Variants in TJP1 observed in about 807,000 individuals in gnomAD.
TJP1 encodes tight junction protein ZO-1.
TJP1 carries 43 observed loss-of-function variants against 194.2 expected under a neutral mutation model. That is an observed-to-expected ratio of 0.22 (90% CI 0.17 to 0.29). The LOEUF (loss-of-function observed/expected upper bound fraction) is 0.29. Ranked by LOEUF, TJP1 falls within the 10% of genes least tolerant of loss-of-function variation. The pLI, the probability that TJP1 is intolerant of heterozygous loss-of-function variation, is 1.00. For missense variants in TJP1, 1,971 were observed against 2,185.7 expected, an observed-to-expected ratio of 0.90 and a Z score of 1.96; for synonymous variants, 801 against 779.0, an observed-to-expected ratio of 1.03 and a Z score of -0.47.
chr15:29,708,649 T>A lies in TJP1; in HGVS notation c.4760A>T (p.Asp1587Val), dbSNP rs1280577191. ...GATAGAGAAAGTTTCAACTCCACTG[T>A]CAAACTCAGGAGGCTGTGCCAAACT... is the stretch of plus-strand genomic sequence containing the variant. ...SHSLAQPPEF[D>V]SGVETFSIHA... Residue 1587 changes from aspartate to valine, a missense_variant, in exon 25 of 28, where the codon GAC becomes GTC. Transcript: ENST00000614355. The A allele has an allele frequency of 1.2e-6, 2 of 1,614,214 alleles. No homozygotes were observed. Among genetic ancestry groups the A allele is most frequent in the South Asian group, 2.2e-5 (2 of 91,076 alleles).
chr15:29,763,339 A>G (rs530833558), intron 5 of TJP1, among the ~76,000 whole-genome samples: 2 of 152,246 alleles, frequency 1.3e-5, no homozygotes, highest in South Asian at 2.1e-4. Context: ...TATAATGTCA[A>G]TAGTAAAAGG....
At chr15:29,958,984 AG>A (rs750088898) in intron 1 of TJP1, among the ~76,000 whole-genome samples, 149 of 147,946 alleles carry the variant, frequency 1.0e-3, no homozygotes, top group Non-Finnish European at 4.0e-4. Flanking sequence ...TAAAGTAGCT[AG>A]TTTTTTTTTT....
intron 2 of TJP1, among the ~76,000 whole-genome samples, chr15:29,895,002 T>G (rs974091653): frequency 1.3e-5 from 2 of 152,176 alleles, no homozygotes; most frequent in African/African-American, 4.8e-5. Context: ...GGTCCCACAG[T>G]TCATCCTTGG....
chr15:29,949,710 C>G, intron 2 of TJP1, among the ~76,000 whole-genome samples: 1 of 123,792 alleles, frequency 8.1e-6, no homozygotes, highest in African/African-American at 2.9e-5. Flanking sequence ...ACCACCACCT[C>G]CATCACCTCC....
intron 2 of TJP1, among the ~76,000 whole-genome samples, chr15:29,922,620 A>C (rs2054402022): frequency 6.6e-6 from 1 of 152,178 alleles, no homozygotes; most frequent in Admixed American, 6.5e-5. Context: ...GAGGGTTGTA[A>C]GTTTCTTCTA....
At chr15:29,771,601 C>T (rs561367859) in intron 4 of TJP1, among the ~76,000 whole-genome samples, 13 of 151,774 alleles carry the variant, frequency 8.6e-5, no homozygotes, top group Admixed American at 6.6e-4. Context: ...GTCAGGAGAT[C>T]GAGACCATCC....
At chr15:29,732,016 A>AG (rs1394067150) in intron 15 of TJP1, 3 of 177,282 alleles carry the variant, frequency 1.7e-5, no homozygotes, top group Admixed American at 5.6e-5. Flanking sequence ...GGAGCAAGAA[A>AG]GGGCTGTGGT....
At chr15:29,793,927 T>G (rs2048249535) in intron 2 of TJP1, among the ~76,000 whole-genome samples, 1 of 152,350 alleles carries the variant, frequency 6.6e-6, no homozygotes, top group African/African-American at 2.4e-5. Flanking sequence ...TGTTCAAAGA[T>G]ACTGGCCTGT....
At chr15:29,844,089 G>A (rs2051323999) in intron 2 of TJP1, among the ~76,000 whole-genome samples, 1 of 152,178 alleles carries the variant, frequency 6.6e-6, no homozygotes, top group African/African-American at 2.4e-5. Context: ...CTGTCGCCCA[G>A]GCTGGAGCCT....
At chr15:29,796,339 A>T (rs1298033584) in intron 2 of TJP1, among the ~76,000 whole-genome samples, 1 of 151,072 alleles carries the variant, frequency 6.6e-6, no homozygotes, top group Non-Finnish European at 1.5e-5. Context: ...CAAGGTTGCT[A>T]TAAAAAAAAA....
At chr15:29,746,293 G>C (rs1486255780) in intron 8 of TJP1, among the ~76,000 whole-genome samples, 1 of 152,040 alleles carries the variant, frequency 6.6e-6, no homozygotes, top group Non-Finnish European at 1.5e-5. Context: ...CAGGAGAATG[G>C]CGTGAACCCG....
At chr15:29,847,384 C>G (rs543698123) in intron 2 of TJP1, among the ~76,000 whole-genome samples, 8 of 152,164 alleles carry the variant, frequency 5.3e-5, no homozygotes, top group Non-Finnish European at 1.0e-4. Context: ...AATTTCTGCT[C>G]TTTATTATTC....
At chr15:29,900,757 A>C (rs939661892) in intron 2 of TJP1, among the ~76,000 whole-genome samples, 1 of 152,232 alleles carries the variant, frequency 6.6e-6, no homozygotes, top group African/African-American at 2.4e-5. Context: ...TCAAGTTTAC[A>C]AACTCTATTG....
intron 8 of TJP1, among the ~76,000 whole-genome samples, chr15:29,755,429 T>C (rs554948997): frequency 1.2e-4 from 19 of 152,342 alleles, no homozygotes; most frequent in African/African-American, 4.6e-4. Context: ...ATCCCAAATA[T>C]ATGATCTTAA....
At chr15:29,884,097 A>G (rs1045850761) in intron 2 of TJP1, among the ~76,000 whole-genome samples, 3 of 152,228 alleles carry the variant, frequency 2.0e-5, no homozygotes, top group African/African-American at 7.2e-5. Flanking sequence ...ATTTGAAAGC[A>G]CACCTTTTCC....
chr15:29,782,483 G>T (rs1857005523), intron 2 of TJP1, among the ~76,000 whole-genome samples: 1 of 152,180 alleles, frequency 6.6e-6, no homozygotes, highest in Non-Finnish European at 1.5e-5. Flanking sequence ...GGGATAACTG[G>T]CTAGCCATAT....
chr15:29,887,701 C>G (rs2053166921), intron 2 of TJP1, among the ~76,000 whole-genome samples: 1 of 152,184 alleles, frequency 6.6e-6, no homozygotes, highest in Non-Finnish European at 1.5e-5. Flanking sequence ...ATTTTATCAT[C>G]TACAAATCTT....
chr15:29,796,206 A>C (rs1458315345), intron 2 of TJP1, among the ~76,000 whole-genome samples: 1 of 152,106 alleles, frequency 6.6e-6, no homozygotes, highest in Non-Finnish European at 1.5e-5. Flanking sequence ...AAAAAGAAAT[A>C]AAGAGCATTC....
intron 19 of TJP1, 140 bp from the exon 20 acceptor site, chr15:29,720,156 G>GA (rs963010979): frequency 0.025 from 23,801 of 967,396 alleles, 19 homozygotes; most frequent in African/African-American, 0.038. Context: ...AACTTTTTGG[G>GA]AAAAAAAAAA....
Sources: allele counts gnomAD v4.1 joint callset (sites outside exome capture counted in the v4.1 genomes callset), GRCh38; gene constraint gnomAD v4.1.1; transcripts MANE v1.5; gene names NCBI Gene and HGNC (gene_info 2026-07-23, HGNC 2026-07-21).